ZNF536: variants seen among roughly 807,000 people sequenced by gnomAD.
ZNF536 encodes the protein zinc finger protein 536.
A neutral mutation model predicts 84.5 loss-of-function variants in ZNF536; 13 were observed. The ratio of observed to expected loss-of-function variants is 0.15; its 90% confidence interval spans 0.10 to 0.24. ZNF536 has a LOEUF of 0.24. Ranked by LOEUF, ZNF536 falls within the 10% of genes least tolerant of loss-of-function variation. The pLI is 1.00. For missense variants in ZNF536, 1,536 were observed against 1,747.5 expected (o/e 0.88, Z 2.16); for synonymous variants, 811 against 742.5 (o/e 1.09, Z -1.50).
intron 2 of ZNF536, among the ~76,000 whole-genome samples, chr19:30,456,336 A>G (rs2052844666): frequency 7.9e-6 from 1 of 126,380 alleles, no homozygotes; most frequent in African/African-American, 3.0e-5. Context: ...TTTGCCTGAG[A>G]TGCAACCTCT....
At chr19:30,367,936 C>G (rs561000421), upstream of ZNF536, among the ~76,000 whole-genome samples, 1 of 152,312 alleles carries the variant, frequency 6.6e-6, no homozygotes, top group East Asian at 1.9e-4. Flanking sequence ...AGGCTAAGCA[C>G]AGCATTTTCT....
intron 1 of ZNF536, among the ~76,000 whole-genome samples, chr19:30,576,066 T>C (rs1365258193): frequency 6.6e-6 from 1 of 152,184 alleles, no homozygotes; most frequent in African/African-American, 2.4e-5. Flanking sequence ...TTCTTAATGA[T>C]GTTTGAGCCA....
chr19:30,547,835 A>G, intron 3 of ZNF536, 108 bp from the exon 4 acceptor site: 3 of 1,254,990 alleles, frequency 2.4e-6, no homozygotes, highest in Non-Finnish European at 3.3e-6. Context: ...TCTAATTATT[A>G]GTTTGAGCTG....
At chr19:30,305,588 G>T (rs776864785) in intron 2 of ZNF536, among the ~76,000 whole-genome samples, 4 of 152,192 alleles carry the variant, frequency 2.6e-5, no homozygotes, top group African/African-American at 7.2e-5. Flanking sequence ...TGCAGGGGTG[G>T]TTGTTTCAGC....
At chr19:30,301,311 T>C (rs1420210288) in intron 2 of ZNF536, among the ~76,000 whole-genome samples, 1 of 152,190 alleles carries the variant, frequency 6.6e-6, no homozygotes, top group Middle Eastern at 3.2e-3. Flanking sequence ...GAAGCTGAGG[T>C]GCGTGCACTG....
intron 1 of ZNF536, among the ~76,000 whole-genome samples, chr19:30,395,514 A>T (rs1186233806): frequency 6.6e-6 from 1 of 152,202 alleles, no homozygotes; most frequent in African/African-American, 2.4e-5. Flanking sequence ...ACCTTGGTTT[A>T]TCTGCCAAAG....
intron 1 of ZNF536, among the ~76,000 whole-genome samples, chr19:30,261,043 A>G (rs981612805): frequency 1.3e-5 from 2 of 152,200 alleles, no homozygotes; most frequent in African/African-American, 4.8e-5. Flanking sequence ...TCACGCCTGT[A>G]ATCCCAGCAC....
At chr19:30,353,262 C>T (rs2047989450) in intron 3 of ZNF536, among the ~76,000 whole-genome samples, 1 of 152,158 alleles carries the variant, frequency 6.6e-6, no homozygotes, top group South Asian at 2.1e-4. Flanking sequence ...AATTGAGAAG[C>T]AAGGGTCTGG....
intron 3 of ZNF536, among the ~76,000 whole-genome samples, chr19:30,544,868 T>C (rs540575610): frequency 2.0e-5 from 3 of 152,208 alleles, no homozygotes; most frequent in Admixed American, 1.3e-4. Context: ...TTATTACAGG[T>C]TGAGGAAGAA....
intron 1 of ZNF536, among the ~76,000 whole-genome samples, chr19:30,384,436 G>A (rs1018737625): frequency 6.7e-6 from 1 of 150,168 alleles, no homozygotes; most frequent in Non-Finnish European, 1.5e-5. Flanking sequence ...TGGGGGCCTG[G>A]TGGCGAAGAA....
chr19:30,509,071 G>C (rs1332814786), intron 2 of ZNF536, among the ~76,000 whole-genome samples: 1 of 150,672 alleles, frequency 6.6e-6, no homozygotes, highest in East Asian at 1.9e-4. Context: ...CCGGGCTTGA[G>C]TGATCATCCT....
chr19:30,445,056 G>A lies in ZNF536; in HGVS notation c.1494G>A (p.Leu498=), dbSNP rs770248403. Residue 498 remains leucine (L), a synonymous_variant, in exon 2 of 5, where the codon CTG becomes CTA. Coordinates refer to ENST00000355537, the MANE Select transcript of ZNF536 (RefSeq NM_014717.3). The surrounding 1 kb of genome is among the most constrained non-coding windows in gnomAD (Gnocchi z 4.5). The part of the protein sequence containing the change: ...LLGCLNLVPP[L]KSSCIERLQA... ...GATGCCTCAATCTCGTGCCGCCGCT[G>A]AAATCCAGCTGCATCGAGCGGCTGC... The A allele has an allele frequency of 3.5e-5, 57 of 1,613,598 alleles. 1 individual carries two copies. In the East Asian group the frequency reaches 8.7e-4, roughly 25 times the overall value.
downstream of ZNF536, among the ~76,000 whole-genome samples, chr19:30,562,361 A>C (rs2046201803): frequency 6.6e-6 from 1 of 152,216 alleles, no homozygotes; most frequent in Non-Finnish European, 1.5e-5. Context: ...ATTCCAGTGC[A>C]CGGGCATATG....
At chr19:30,458,477 G>GTTTTTTTTT (rs2052975213) in intron 2 of ZNF536, among the ~76,000 whole-genome samples, 1 of 90,150 alleles carries the variant, frequency 1.1e-5, no homozygotes, top group African/African-American at 7.5e-5. Context: ...TTTTGACCGA[G>GTTTTTTTTT]TTTCACTCTT....
chr19:30,650,873 A>T (rs1226588450), intron 1 of ZNF536, among the ~76,000 whole-genome samples: 1 of 152,250 alleles, frequency 6.6e-6, no homozygotes, highest in African/African-American at 2.4e-5. Flanking sequence ...ACGTTGGAGC[A>T]TACTGTCAGA....
chr19:30,428,885 G>A (rs1320494219), intron 1 of ZNF536, among the ~76,000 whole-genome samples: 1 of 152,152 alleles, frequency 6.6e-6, no homozygotes, highest in Non-Finnish European at 1.5e-5. Context: ...TCAAGATCAG[G>A]GTTTGGCTAT....
chr19:30,485,450 A>C (rs983505102), intron 2 of ZNF536, among the ~76,000 whole-genome samples: 5 of 152,050 alleles, frequency 3.3e-5, no homozygotes, highest in South Asian at 2.1e-4. Context: ...TTAGCTAGCA[A>C]CTCCCAGCCC....
At chr19:30,310,104 C>A (rs975402503) in intron 2 of ZNF536, among the ~76,000 whole-genome samples, 2 of 152,106 alleles carry the variant, frequency 1.3e-5, no homozygotes, top group African/African-American at 4.8e-5. Context: ...TTTAGTATAA[C>A]GTGTTTGCAT....
chr19:30,625,294 G>A (rs1345137339), intron 1 of ZNF536, among the ~76,000 whole-genome samples: 1 of 152,104 alleles, frequency 6.6e-6, no homozygotes, highest in Admixed American at 6.6e-5. Context: ...GACCAACAGA[G>A]GCCCAAGAAG....
Sources: allele counts gnomAD v4.1 joint callset (sites outside exome capture counted in the v4.1 genomes callset), GRCh38; gene constraint gnomAD v4.1.1; non-coding constraint Gnocchi (gnomAD v3.1); transcripts MANE v1.5; gene names NCBI Gene and HGNC (gene_info 2026-07-23, HGNC 2026-07-21).